ZNF407: variants seen among roughly 807,000 people sequenced by gnomAD.
The protein encoded by ZNF407 is zinc finger protein 407.
ZNF407 carries 17 observed loss-of-function variants against 131.2 expected under a neutral mutation model. The ratio of observed to expected loss-of-function variants is 0.13; its 90% CI spans 0.09 to 0.19. The LOEUF (loss-of-function observed/expected upper bound fraction) is 0.19, where lower values mean the gene tolerates loss of function less well. Among genes scored for constraint, ZNF407 ranks in the 10% least tolerant of loss-of-function variants. ZNF407 has a pLI of 1.00. For missense variants in ZNF407, 2,681 were observed against 2,830.6 expected, an observed-to-expected ratio of 0.95 and a Z score of 1.20; for synonymous variants, 1,156 against 1,062.0, an observed-to-expected ratio of 1.09 and a Z score of -1.72.
intron 8 of ZNF407, among the ~76,000 whole-genome samples, chr18:75,033,360 A>C (rs546316578): frequency 6.6e-6 from 1 of 152,350 alleles, no homozygotes; most frequent in East Asian, 1.9e-4. Context: ...AGTGCTTCAA[A>C]TCTTGTTCTA....
intron 8 of ZNF407, among the ~76,000 whole-genome samples, chr18:74,946,866 G>A (rs1217997726): frequency 6.6e-6 from 1 of 152,166 alleles, no homozygotes; most frequent in African/African-American, 2.4e-5. Context: ...GGATGTGACT[G>A]TTTCAGTACA....
intron 8 of ZNF407, among the ~76,000 whole-genome samples, chr18:75,034,311 T>A (rs2122228305): frequency 6.7e-6 from 1 of 148,796 alleles, no homozygotes; most frequent in East Asian, 1.9e-4. Context: ...TTTTTTTTTT[T>A]TTTTTTTTTT....
intron 4 of ZNF407, among the ~76,000 whole-genome samples, chr18:74,864,735 T>G (rs1355635977): frequency 1.3e-5 from 2 of 152,188 alleles, no homozygotes; most frequent in African/African-American, 2.4e-5. Context: ...GAAGTGTTAA[T>G]GTTTATGAGG....
At chr18:74,613,999 T>C (rs902761707) in intron 1 of ZNF407, among the ~76,000 whole-genome samples, 6 of 152,186 alleles carry the variant, frequency 3.9e-5, no homozygotes, top group African/African-American at 9.7e-5. Flanking sequence ...GACTTTTTCT[T>C]TGGGAGTGTG....
chr18:74,636,577 C>G (rs1984473872), intron 2 of ZNF407, among the ~76,000 whole-genome samples: 1 of 152,100 alleles, frequency 6.6e-6, no homozygotes, highest in Admixed American at 6.5e-5. Flanking sequence ...GTTTATTTTA[C>G]TGTACTTTTA....
At position 74,635,309 on chromosome 18, in the gene ZNF407, T is replaced by C; in HGVS notation, c.4290T>C (p.Asn1430=). ...TAGCAGATGGACTGAGTGGACTGAATGTTCACATAGCCATGAAGCATCCTA... is the reference window on the plus strand; with the variant it reads ...TAGCAGATGGACTGAGTGGACTGAACGTTCACATAGCCATGAAGCATCCTA... The part of the protein sequence containing the change: ...GFLADGLSGL[N]VHIAMKHPTK... Residue 1430 remains asparagine (N), a synonymous_variant, in exon 2 of 9, where the codon AAT becomes AAC. Coordinates refer to ENST00000299687, the MANE Select transcript of ZNF407 (RefSeq NM_017757.3). The surrounding 1 kb of genome is among the most constrained non-coding windows in gnomAD (Gnocchi z 4.7). 3 of 1,614,056 alleles carry C rather than the reference T, an allele frequency of 1.9e-6. No homozygotes were observed. The highest frequency in any genetic ancestry group is 2.5e-6 in the Non-Finnish European group (3 of 1,179,904).
At chr18:74,617,090 T>A (rs1424183278) in intron 1 of ZNF407, among the ~76,000 whole-genome samples, 1 of 18,004 alleles carries the variant, frequency 5.6e-5, no homozygotes, top group Non-Finnish European at 1.3e-4. Context: ...TCCATATCCA[T>A]GCACCAACAC....
In ZNF407 at chr18:74,916,641, TG is replaced by T. The variant is rs1568268455; in HGVS notation, c.5250-3872del. 3.5e-3 allele frequency among the ~76,000 whole-genome samples: 488 copies of T among 140,558 alleles called. 8 individuals are homozygous for T. Among genetic ancestry groups the T allele is most frequent in the African/African-American group, 0.012 (447 of 36,098 alleles). 92.2% of individuals were successfully genotyped at this position (140,558 alleles called of 152,430 possible). ...GGTTCGAATCGGGAGTGTGTGTGTG[TG>T]TGTGTGTGTGCATGTGTGTGCTGGT... is the stretch of plus-strand genomic sequence containing the variant. On this transcript the variant is annotated intron_variant, in intron 7 of 8. Coordinates refer to ENST00000299687, the MANE Select transcript of ZNF407 (RefSeq NM_017757.3).
In ZNF407 at chr18:74,655,444, C is replaced by T. The variant is rs115682080; in HGVS notation, c.4802+14322C>T. ...ACCTTATGGAGTACTTAAAATCTGC[C>T]TTGCAACTGGACTGGTATCTATCCA... On this transcript the variant is annotated intron_variant, in intron 3 of 8. Coordinates refer to ENST00000299687, the MANE Select transcript of ZNF407 (RefSeq NM_017757.3). Among the ~76,000 whole-genome samples, 975 of 151,944 alleles carry T rather than the reference C, an allele frequency of 6.4e-3. 12 individuals carry two copies. Among genetic ancestry groups the T allele is most frequent in the African/African-American group, 0.022 (916 of 41,448 alleles).
intron 3 of ZNF407, among the ~76,000 whole-genome samples, chr18:74,742,352 T>C (rs928331987): frequency 3.9e-5 from 6 of 152,208 alleles, no homozygotes; most frequent in Non-Finnish European, 8.8e-5. Flanking sequence ...AAATACTTGT[T>C]CTTCTTAAAT....
chr18:75,026,320 A>G (rs1035099145), intron 8 of ZNF407, among the ~76,000 whole-genome samples: 5 of 152,246 alleles, frequency 3.3e-5, no homozygotes, highest in African/African-American at 9.6e-5. Flanking sequence ...CAACTGGCAT[A>G]ATCCCACAGA....
At chr18:75,005,112 TA>T (rs1900783491) in intron 8 of ZNF407, among the ~76,000 whole-genome samples, 1 of 152,198 alleles carries the variant, frequency 6.6e-6, no homozygotes, top group Non-Finnish European at 1.5e-5. Flanking sequence ...CCCATAAAAA[TA>T]AACTTCTATT....
chr18:74,970,671 A>G (rs1036704195), intron 8 of ZNF407, among the ~76,000 whole-genome samples: 8 of 152,106 alleles, frequency 5.3e-5, no homozygotes, highest in African/African-American at 1.9e-4. Flanking sequence ...TGCAGGGTAT[A>G]GCCCCCCTCC....
intron 3 of ZNF407, among the ~76,000 whole-genome samples, chr18:74,725,760 T>G (rs931356305): frequency 1.3e-5 from 2 of 152,216 alleles, no homozygotes; most frequent in African/African-American, 4.8e-5. Context: ...ATGTGTAGCT[T>G]GACATTTGAG....
chr18:75,062,630 G>A (rs565035632), intron 8 of ZNF407: 1 of 152,348 alleles, frequency 6.6e-6, no homozygotes, highest in South Asian at 2.1e-4. Context: ...TTACAGCGGT[G>A]TTTATTGATG....
intron 8 of ZNF407, among the ~76,000 whole-genome samples, chr18:75,035,993 G>T (rs780110561): frequency 1.3e-5 from 2 of 152,244 alleles, no homozygotes; most frequent in Non-Finnish European, 2.9e-5. Context: ...TGGGTGAGAG[G>T]TGGGCGAAGC....
At chr18:74,741,271 G>T (rs537686565) in intron 3 of ZNF407, among the ~76,000 whole-genome samples, 1 of 152,010 alleles carries the variant, frequency 6.6e-6, no homozygotes, top group African/African-American at 2.4e-5. Context: ...CACTTATGTG[G>T]ACTTATGTTC....
At chr18:75,023,815 A>G (rs189761343) in intron 8 of ZNF407, among the ~76,000 whole-genome samples, 1 of 152,328 alleles carries the variant, frequency 6.6e-6, no homozygotes, top group African/African-American at 2.4e-5. Flanking sequence ...TCTTCTTTAG[A>G]TTACTATATT....
chr18:74,735,163 T>G (rs1968383906), intron 3 of ZNF407, among the ~76,000 whole-genome samples: 1 of 152,208 alleles, frequency 6.6e-6, no homozygotes, highest in African/African-American at 2.4e-5. Context: ...AATCATCTGG[T>G]TTTCTTGTGA....
Sources: gnomAD v4.1 joint callset for allele counts (sites outside exome capture counted in the v4.1 genomes callset) on GRCh38, gnomAD v4.1.1 for gene constraint, Gnocchi (gnomAD v3.1) non-coding constraint, MANE v1.5 for transcripts, NCBI Gene and HGNC (gene_info 2026-07-23, HGNC 2026-07-21) for gene names.